Variants in NDRG3 observed in about 807,000 individuals in gnomAD.
The protein encoded by NDRG3 is NDRG family member 3, also known as protein NDRG3.
Under a neutral mutation model 57.2 loss-of-function variants are expected in NDRG3, and 23 were observed. The observed-to-expected ratio is 0.40, with a 90% CI of 0.29 to 0.57. The LOEUF is 0.57. NDRG3 is among the 20% of genes least tolerant of loss of function. The pLI is 0.42. For missense variants in NDRG3, 384 were observed against 457.3 expected, an observed-to-expected ratio of 0.84 and a Z score of 1.46; for synonymous variants, 132 against 162.6, an observed-to-expected ratio of 0.81 and a Z score of 1.43.
chr20:36,681,737 T>C (rs185751168), intron 7 of NDRG3, among the ~76,000 whole-genome samples: 9 of 151,936 alleles, frequency 5.9e-5, no homozygotes, highest in Non-Finnish European at 1.2e-4. Context: ...TTCGCTCTTG[T>C]TGCCCAGGCT....
At chr20:36,727,321 G>A (rs1984997106) in intron 1 of NDRG3, among the ~76,000 whole-genome samples, 1 of 152,032 alleles carries the variant, frequency 6.6e-6, no homozygotes, top group Admixed American at 6.6e-5. Flanking sequence ...TTGGGTTCAA[G>A]CGATTCTCCT....
chr20:36,724,937 A>AAAAAC (rs574736192), intron 1 of NDRG3, among the ~76,000 whole-genome samples: 3 of 151,648 alleles, frequency 2.0e-5, no homozygotes, highest in South Asian at 2.1e-4. Context: ...TCAAAAATTT[A>AAAAAC]AAAACAAAAC....
chr20:36,660,564 A>AT lies in NDRG3; in HGVS notation c.811-181dup, dbSNP rs200205594. Among the ~76,000 whole-genome samples the AT allele has an allele frequency of 2.0e-3, 294 of 148,264 alleles. 2 individuals are homozygous for AT. The highest frequency in any genetic ancestry group is 6.5e-3 in the African/African-American group (257 of 39,432). On this transcript the variant is annotated intron_variant, in intron 12 of 15. Transcript: ENST00000349004. ...TATTTATTTATTTATTTATTTATTT[A>AT]TTTATTTTTTTTTTGAGACGGAGTC...
chr20:36,687,987 T>C lies in NDRG3; in HGVS notation c.200-375A>G, dbSNP rs535394481. 9.1e-4 allele frequency among the ~76,000 whole-genome samples: 138 copies of C among 152,374 alleles called. 2 individuals carry two copies. In the South Asian group the frequency reaches 0.028, roughly 31 times the overall value. On this transcript the variant is annotated intron_variant, in intron 4 of 15. Coordinates refer to ENST00000349004, the MANE Select transcript of NDRG3 (RefSeq NM_032013.4). ...TTATACCCCAAGAGCACAGGTGGCGTGAATGTCCTGAGCTGTTCACATTCA... is the reference window on the plus strand; with the variant it reads ...TTATACCCCAAGAGCACAGGTGGCGCGAATGTCCTGAGCTGTTCACATTCA...
chr20:36,671,480 AT>A (rs1226260274), intron 8 of NDRG3, 83 bp from the exon 9 acceptor site: 2 of 992,076 alleles, frequency 2.0e-6, no homozygotes, highest in Non-Finnish European at 1.6e-6. Flanking sequence ...AGTGCACTTT[AT>A]TATATATGTT....
At chr20:36,707,537 A>C (rs1240424835) in intron 2 of NDRG3, among the ~76,000 whole-genome samples, 1 of 152,196 alleles carries the variant, frequency 6.6e-6, no homozygotes, top group African/African-American at 2.4e-5. Flanking sequence ...TGAAGGAGGG[A>C]AAGAAAGACA....
intron 5 of NDRG3, among the ~76,000 whole-genome samples, chr20:36,685,915 T>A (rs896402002): frequency 2.6e-5 from 4 of 152,090 alleles, no homozygotes; most frequent in Non-Finnish European, 4.4e-5. Context: ...GAGGCTGAGA[T>A]GGGAGGATCA....
chr20:36,714,840 C>A (rs1320669563), intron 2 of NDRG3, among the ~76,000 whole-genome samples: 1 of 150,528 alleles, frequency 6.6e-6, no homozygotes, highest in African/African-American at 2.4e-5. Context: ...CTCGAACTCC[C>A]GACCTCAGGT....
chr20:36,678,668 G>A (rs762062991), intron 8 of NDRG3, among the ~76,000 whole-genome samples: 2 of 152,168 alleles, frequency 1.3e-5, no homozygotes, highest in Admixed American at 6.5e-5. Flanking sequence ...CGACAAGAGC[G>A]AGACTCCGTC....
chr20:36,723,495 C>A (rs1340421352), intron 1 of NDRG3, among the ~76,000 whole-genome samples: 1 of 151,908 alleles, frequency 6.6e-6, no homozygotes, highest in African/African-American at 2.4e-5. Flanking sequence ...TTATTGAGTA[C>A]CCATTGCACT....
chr20:36,714,192 C>A (rs991085442), intron 2 of NDRG3, among the ~76,000 whole-genome samples: 1 of 151,688 alleles, frequency 6.6e-6, no homozygotes, highest in Non-Finnish European at 1.5e-5. Context: ...AGTTCGAGAC[C>A]AGCCTGCCAA....
intron 1 of NDRG3, among the ~76,000 whole-genome samples, chr20:36,730,909 G>A (rs1049307307): frequency 3.3e-5 from 5 of 149,266 alleles, no homozygotes. Flanking sequence ...CTGCACTCCA[G>A]CCTGGGCAAC....
chr20:36,683,468 T>G (rs1259465004), intron 6 of NDRG3, among the ~76,000 whole-genome samples: 1 of 151,276 alleles, frequency 6.6e-6, no homozygotes, highest in Non-Finnish European at 1.5e-5. Context: ...ACAAAAAAAA[T>G]TAGCCAGGCA....
intron 1 of NDRG3, among the ~76,000 whole-genome samples, chr20:36,724,836 C>G (rs969825834): frequency 6.6e-6 from 1 of 151,136 alleles, no homozygotes; most frequent in East Asian, 2.0e-4. Context: ...GGCTGAGGCA[C>G]GAGAATCATT....
intron 3 of NDRG3, among the ~76,000 whole-genome samples, chr20:36,693,067 T>C (rs1326738010): frequency 4.2e-5 from 2 of 48,094 alleles, no homozygotes; most frequent in South Asian, 8.8e-4. Flanking sequence ...AGCAAGACCC[T>C]GTCTCAAAAA....
At chr20:36,705,145 C>G (rs1983468050) in intron 3 of NDRG3, among the ~76,000 whole-genome samples, 1 of 151,380 alleles carries the variant, frequency 6.6e-6, no homozygotes, top group Admixed American at 6.6e-5. Context: ...CATGGTGAAA[C>G]CCCGTCTCTA....
chr20:36,687,735 G>A lies in NDRG3; in HGVS notation c.200-123C>T, dbSNP rs896306096. 48 of 1,148,804 alleles carry A rather than the reference G, an allele frequency of 4.2e-5. No homozygotes were observed. The Admixed American group carries it at 1.2e-3, about 28-fold the overall frequency. The allele number at this position is 1,148,804 out of a possible 1,614,324, so 71.2% of individuals were successfully genotyped here. On this transcript the variant is annotated intron_variant, in intron 4 of 15. Coordinates refer to ENST00000349004, the MANE Select transcript of NDRG3 (RefSeq NM_032013.4). ...TTTAACCACCATTCCACCAAAGTGA[G>A]GTGTCTGAACAATCTGTCTGATTCA...
intron 12 of NDRG3, 151 bp from the exon 13 acceptor site, chr20:36,660,535 G>C (rs941962029): frequency 3.4e-6 from 1 of 292,646 alleles, no homozygotes; most frequent in Non-Finnish European, 6.2e-6. Context: ...CATAGTGGGA[G>C]ATATATTTAT....
At chr20:36,706,842 G>T in intron 3 of NDRG3, 130 bp downstream of exon 3, 1 of 724,238 alleles carries the variant, frequency 1.4e-6, no homozygotes, top group Non-Finnish European at 2.3e-6. Flanking sequence ...TTGATCCAAT[G>T]ACCAAACGAA....
Sources: gnomAD v4.1 joint callset for allele counts (sites outside exome capture counted in the v4.1 genomes callset) on GRCh38, gnomAD v4.1.1 for gene constraint, MANE v1.5 for transcripts, NCBI Gene and HGNC (gene_info 2026-07-23, HGNC 2026-07-21) for gene names.